Variants in ASB15 observed in about 807,000 individuals in gnomAD.
ASB15 encodes the protein ankyrin repeat and SOCS box protein 15.
A neutral mutation model predicts 58.0 loss-of-function variants in ASB15; 54 were observed. The ratio of observed to expected loss-of-function variants is 0.93; its 90% CI spans 0.75 to 1.17. ASB15 has a LOEUF of 1.17. Among genes scored for constraint, ASB15 ranks in the 50% most tolerant of loss-of-function variants. ASB15 has a pLI of 0.00. For missense variants in ASB15, 680 were observed against 707.4 expected, an observed-to-expected ratio of 0.96 and a Z score of 0.44; for synonymous variants, 249 against 262.4, an observed-to-expected ratio of 0.95 and a Z score of 0.50.
intron 1 of ASB15, among the ~76,000 whole-genome samples, chr7:123,594,725 A>T (rs1799644591): frequency 6.6e-6 from 1 of 152,168 alleles, no homozygotes; most frequent in African/African-American, 2.4e-5. Flanking sequence ...TCTCCCTGTC[A>T]GGCTACACGG....
intron 8 of ASB15, among the ~76,000 whole-genome samples, chr7:123,625,926 A>G (rs1221337458): frequency 3.3e-5 from 5 of 152,222 alleles, no homozygotes; most frequent in Non-Finnish European, 7.3e-5. Flanking sequence ...AGCTGTATTA[A>G]TCATTCACAG....
At chr7:123,569,562 AGAGT>A (rs1454596606) in intron 1 of ASB15, among the ~76,000 whole-genome samples, 2 of 152,232 alleles carry the variant, frequency 1.3e-5, no homozygotes, top group Non-Finnish European at 2.9e-5. Flanking sequence ...AGGAAGTGAG[AGAGT>A]CAGTGCATCT....
At chr7:123,607,022 C>T (rs573798327) in intron 2 of ASB15, among the ~76,000 whole-genome samples, 5 of 151,988 alleles carry the variant, frequency 3.3e-5, no homozygotes, top group African/African-American at 9.7e-5. Context: ...TTTTGAGAAA[C>T]CTTTGTACTG....
chr7:123,624,785 G>A lies in ASB15; in HGVS notation c.668G>A (p.Cys223Tyr), dbSNP rs778522168. The A allele has an allele frequency of 2.5e-6, 4 of 1,614,060 alleles. No homozygotes were observed. Among genetic ancestry groups the A allele is most frequent in the Non-Finnish European group, 2.5e-6 (3 of 1,179,940 alleles). The part of the protein sequence containing the change: ...PLGVAAEYGH[C>Y]DVLEHLIHKG... ...GGCGTCGCTGCCGAGTATGGTCACT[G>A]TGACGTGTTAGAACATCTAATCCAC... Residue 223 changes from cysteine to tyrosine, a missense_variant, in exon 8 of 12, where the codon TGT becomes TAT. Cys to Tyr is a radical substitution (Grantham distance 194). Transcript: ENST00000451215.
chr7:123,625,625 C>A (rs1801723473), intron 8 of ASB15, among the ~76,000 whole-genome samples: 1 of 152,160 alleles, frequency 6.6e-6, no homozygotes, highest in Non-Finnish European at 1.5e-5. Context: ...TCCCTAAATC[C>A]TTTCCTAATT....
chr7:123,620,529 T>C (rs1168328485), intron 7 of ASB15, among the ~76,000 whole-genome samples: 4 of 23,260 alleles, frequency 1.7e-4, no homozygotes, highest in African/African-American at 4.8e-4. Context: ...TATATATATA[T>C]ATATATATAT....
chr7:123,569,529 C>T (rs1054370981), intron 1 of ASB15, among the ~76,000 whole-genome samples: 2 of 152,136 alleles, frequency 1.3e-5, no homozygotes, highest in Non-Finnish European at 2.9e-5. Context: ...ATGAGATTGA[C>T]TTAAGAGACC....
intron 5 of ASB15, 30 bp from the exon 6 acceptor site, chr7:123,616,334 A>G (rs1240402238): frequency 6.2e-7 from 1 of 1,610,328 alleles, no homozygotes; most frequent in South Asian, 1.1e-5. Flanking sequence ...AAAAACAGAG[A>G]TTAGTCATCA....
At chr7:123,625,015 C>A in intron 8 of ASB15, 1 of 603,006 alleles carries the variant, frequency 1.7e-6, no homozygotes, top group Non-Finnish European at 2.8e-6. Context: ...TACATTGTGA[C>A]CTACGAATTT....
intron 1 of ASB15, among the ~76,000 whole-genome samples, chr7:123,570,609 G>A (rs531311296): frequency 6.6e-6 from 1 of 152,248 alleles, no homozygotes; most frequent in South Asian, 2.1e-4. Flanking sequence ...CTACCCTTAG[G>A]CTTGAAATGA....
chr7:123,571,420 A>T (rs1464053014), intron 1 of ASB15, among the ~76,000 whole-genome samples: 1 of 152,230 alleles, frequency 6.6e-6, no homozygotes, highest in East Asian at 1.9e-4. Flanking sequence ...AAATATTTGG[A>T]CTTTCATTTC....
chr7:123,619,734 A>G (rs1801113696), intron 7 of ASB15, among the ~76,000 whole-genome samples: 1 of 152,106 alleles, frequency 6.6e-6, no homozygotes, highest in Admixed American at 6.5e-5. Context: ...CGTGTTAGCC[A>G]GGATGGTCTC....
intron 1 of ASB15, among the ~76,000 whole-genome samples, chr7:123,568,467 G>T (rs1325928350): frequency 6.6e-6 from 1 of 151,444 alleles, no homozygotes; most frequent in Admixed American, 6.6e-5. Context: ...GTTGCAGTGA[G>T]CAGAGATCGT....
Position 123,630,023 on chromosome 7 carries a change from G to A in ASB15, c.1498G>A (p.Val500Ile), listed in dbSNP as rs1802038991. 1 of 1,603,672 alleles carries A rather than the reference G, an allele frequency of 6.2e-7. No individual in the cohort carries two copies. Among genetic ancestry groups the A allele is most frequent in the South Asian group, 1.1e-5 (1 of 90,490 alleles). The change falls in exon 11 of 12, where the codon GTA (valine) becomes ATA (isoleucine). Residue 500 changes from valine (V) to isoleucine (I), a missense_variant. Physicochemically the swap from Val to Ile is conservative, Grantham distance 29 (BLOSUM62 3). Coordinates refer to ENST00000451215, the MANE Select transcript of ASB15 (RefSeq NM_001290258.2). ...MKHLVGRVTR[V>I]LIDYMDYVPL... ...GCACTTGGTAGGCAGAGTTACTCGT[G>A]TACTAATAGATTACATGGATTATGT...
intron 1 of ASB15, among the ~76,000 whole-genome samples, chr7:123,594,811 T>C (rs1289358383): frequency 6.6e-6 from 1 of 152,178 alleles, no homozygotes; most frequent in East Asian, 1.9e-4. Context: ...ACCACTGCTC[T>C]CTTCAGAGCT....
At chr7:123,597,917 C>CGTGTGTGTGTGTATGTGTGTGT (rs780183019), upstream of ASB15, among the ~76,000 whole-genome samples, 7 of 132,972 alleles carry the variant, frequency 5.3e-5, no homozygotes, top group African/African-American at 2.0e-4. Context: ...TTTCAAACTT[C>CGTGTGTGTGTGTATGTGTGTGT]GTGTGTGTGT....
intron 7 of ASB15, 142 bp downstream of exon 7, chr7:123,617,879 C>T (rs1800932324): frequency 4.9e-6 from 4 of 822,258 alleles, no homozygotes; most frequent in Admixed American, 5.8e-5. Flanking sequence ...TGTCTTCTGT[C>T]CTGTGATTTT....
In ASB15 at chr7:123,630,052, TC is replaced by T; in HGVS notation, c.1528del (p.Leu510CysfsTer5). The T allele has an allele frequency of 6.2e-7, 1 of 1,610,412 alleles. No homozygotes were observed. Among genetic ancestry groups the T allele is most frequent in the South Asian group, 1.1e-5 (1 of 90,748 alleles). On this transcript the variant is annotated frameshift_variant, in exon 11 of 12. Coordinates refer to ENST00000451215, the MANE Select transcript of ASB15 (RefSeq NM_001290258.2). LOFTEE classifies it high-confidence loss of function. Reference sequence around the variant, plus strand: ...TAATAGATTACATGGATTATGTTCCTCTGTGTGCTAAACTGAAGTCTGCACT... The same window carrying T: ...TAATAGATTACATGGATTATGTTCCTTGTGTGCTAAACTGAAGTCTGCACT... The part of the protein sequence containing the change: ...VLIDYMDYVP[L>X]CAKLKSALEV...
intron 11 of ASB15, among the ~76,000 whole-genome samples, chr7:123,635,670 GT>G (rs905553155): frequency 7.8e-6 from 1 of 127,502 alleles, no homozygotes. Flanking sequence ...AGGCCAGGAA[GT>G]TTTTTTTATT....
Sources: gnomAD v4.1 joint callset for allele counts (sites outside exome capture counted in the v4.1 genomes callset) on GRCh38, gnomAD v4.1.1 for gene constraint, MANE v1.5 for transcripts, NCBI Gene and HGNC (gene_info 2026-07-23, HGNC 2026-07-21) for gene names.